Variants in MEIG1 observed in about 807,000 individuals in gnomAD.
MEIG1 encodes the protein meiosis expressed gene 1 protein homolog.
A neutral mutation model predicts 11.3 loss-of-function variants in MEIG1; 12 were observed. The observed-to-expected ratio is 1.07, with a 90% confidence interval of 0.68 to 1.73. The LOEUF (loss-of-function observed/expected upper bound fraction) is 1.73, where lower values mean the gene tolerates loss of function less well. MEIG1 is among the 40% of genes most tolerant of loss of function. The pLI, the probability that MEIG1 is intolerant of heterozygous loss-of-function variation, is 0.00. For synonymous variants in MEIG1, 41 were observed against 33.2 expected, an observed-to-expected ratio of 1.24 and a Z score of -0.81; for missense variants, 119 against 104.9, an observed-to-expected ratio of 1.13 and a Z score of -0.59.
At chr10:14,985,898 G>A (rs555798709) in intron 1 of MEIG1, among the ~76,000 whole-genome samples, 18 of 152,112 alleles carry the variant, frequency 1.2e-4, no homozygotes, top group South Asian at 4.1e-4. Context: ...ATCACAGTGC[G>A]TGTACCCCGG....
At chr10:14,977,518 T>C (rs887501431), downstream of MEIG1, among the ~76,000 whole-genome samples, 1 of 151,996 alleles carries the variant, frequency 6.6e-6, no homozygotes, top group African/African-American at 2.4e-5. Flanking sequence ...ACAGGGGGTG[T>C]ACACCCTTCG....
intron 1 of MEIG1, among the ~76,000 whole-genome samples, chr10:14,984,971 C>G (rs1843303777): frequency 6.6e-6 from 1 of 152,018 alleles, no homozygotes; most frequent in South Asian, 2.1e-4. Context: ...TCCTAATATC[C>G]TAGCGGGAGT....
chr10:14,958,113 A>G (rs566277820), upstream of MEIG1, among the ~76,000 whole-genome samples: 1 of 152,348 alleles, frequency 6.6e-6, no homozygotes, highest in African/African-American at 2.4e-5. Context: ...ATATGGAAAG[A>G]GAGGGCTCTA....
intron 1 of MEIG1, among the ~76,000 whole-genome samples, chr10:14,961,449 A>G (rs1445688773): frequency 6.6e-6 from 1 of 152,076 alleles, no homozygotes. Flanking sequence ...TTGTGGAGCT[A>G]CAACTTGGTA....
At chr10:14,956,575 TC>T (rs1487790176), upstream of MEIG1, among the ~76,000 whole-genome samples, 1 of 151,788 alleles carries the variant, frequency 6.6e-6, no homozygotes, top group Non-Finnish European at 1.5e-5. Context: ...AGAGCGAAAC[TC>T]CATCTCGAAA....
intron 1 of MEIG1, among the ~76,000 whole-genome samples, chr10:14,983,165 C>A (rs1417805510): frequency 6.6e-6 from 1 of 151,970 alleles, no homozygotes; most frequent in Non-Finnish European, 1.5e-5. Flanking sequence ...GTACACCCAC[C>A]CGGTGATATT....
chr10:14,975,545 T>C (rs1277010316), downstream of MEIG1, among the ~76,000 whole-genome samples: 38 of 151,944 alleles, frequency 2.5e-4, no homozygotes, highest in Non-Finnish European at 3.2e-4. Context: ...AAGATGATAA[T>C]ACCCCCCATA....
At chr10:14,979,911 G>A (rs1268362804) in intron 1 of MEIG1, among the ~76,000 whole-genome samples, 6 of 152,006 alleles carry the variant, frequency 3.9e-5, no homozygotes, top group Admixed American at 2.0e-4. Context: ...TCTATTGTCA[G>A]AGGAGTTTAA....
upstream of MEIG1, among the ~76,000 whole-genome samples, chr10:14,959,283 C>A (rs34021689): frequency 0.051 from 7,783 of 152,320 alleles, 225 homozygotes; most frequent in African/African-American, 0.066. Context: ...CCGGCGCCCA[C>A]CCCAGCCCTC....
At chr10:14,984,205 T>TG (rs954011148) in intron 1 of MEIG1, among the ~76,000 whole-genome samples, 2 of 146,630 alleles carry the variant, frequency 1.4e-5, no homozygotes, top group Non-Finnish European at 3.0e-5. Flanking sequence ...CCCCGCATCG[T>TG]GGGGGGAGCC....
upstream of MEIG1, among the ~76,000 whole-genome samples, chr10:14,957,787 AG>A (rs1013549257): frequency 2.0e-5 from 3 of 152,156 alleles, no homozygotes; most frequent in Admixed American, 2.0e-4. Flanking sequence ...CTGGGACTAC[AG>A]GTGCACGCCA....
chr10:14,956,460 TAATCC>T (rs2131253128), upstream of MEIG1, among the ~76,000 whole-genome samples: 1 of 150,404 alleles, frequency 6.6e-6, no homozygotes, highest in Non-Finnish European at 1.5e-5. Context: ...CAGGGGCCTG[TAATCC>T]CAGCTACTCA....
At chr10:14,961,662 TAGAGACAG>T (rs1843015173) in intron 1 of MEIG1, among the ~76,000 whole-genome samples, 2 of 145,372 alleles carry the variant, frequency 1.4e-5, no homozygotes, top group African/African-American at 5.1e-5. Context: ...TTTTTTTTAG[TAGAGACAG>T]GTTTTCACCA....
chr10:14,966,664 G>A (rs1436459692), intron 2 of MEIG1, 58 bp downstream of exon 2: 3 of 1,505,660 alleles, frequency 2.0e-6, no homozygotes, highest in South Asian at 1.2e-5. Flanking sequence ...ATGCTGAAAA[G>A]TATTTTATAA....
intron 1 of MEIG1, among the ~76,000 whole-genome samples, chr10:14,963,374 C>T (rs10906784): frequency 1.3e-5 from 2 of 151,924 alleles, no homozygotes; most frequent in South Asian, 2.1e-4. Flanking sequence ...GGATTACAGG[C>T]GTGAGCCACC....
At chr10:14,965,690 G>GAGAGAGAGAGAGAGAGAGAGAGAGAGAT (rs1843073334) in intron 1 of MEIG1, among the ~76,000 whole-genome samples, 2 of 60,932 alleles carry the variant, frequency 3.3e-5, no homozygotes, top group African/African-American at 1.0e-4. Context: ...GAGAGAGAGA[G>GAGAGAGAGAGAGAGAGAGAGAGAGAGAT]AGAGAGAGAG....
At chr10:14,957,897 C>T (rs1842967840), upstream of MEIG1, among the ~76,000 whole-genome samples, 1 of 152,202 alleles carries the variant, frequency 6.6e-6, no homozygotes, top group Admixed American at 6.5e-5. Context: ...CTGCCCACCT[C>T]AGCCTCCCAA....
chr10:14,983,237 G>T (rs1242745887), intron 1 of MEIG1, among the ~76,000 whole-genome samples: 2 of 152,068 alleles, frequency 1.3e-5, no homozygotes, highest in Non-Finnish European at 2.9e-5. Flanking sequence ...CACTGGGTGT[G>T]CATCCACCCG....
At chr10:14,974,080 G>A (rs1371056707), downstream of MEIG1, among the ~76,000 whole-genome samples, 5 of 152,254 alleles carry the variant, frequency 3.3e-5, no homozygotes, top group African/African-American at 1.2e-4. Flanking sequence ...CCTTGTTAAC[G>A]TTTGTGGCCT....
Sources: allele counts gnomAD v4.1 joint callset (sites outside exome capture counted in the v4.1 genomes callset), GRCh38; gene constraint gnomAD v4.1.1; transcripts MANE v1.5; gene names NCBI Gene and HGNC (gene_info 2026-07-23, HGNC 2026-07-21).